CACNA1E: variants seen among roughly 807,000 people sequenced by gnomAD.
CACNA1E encodes voltage-dependent R-type calcium channel subunit alpha-1E.
Under a neutral mutation model 259.2 loss-of-function variants are expected in CACNA1E, and 40 were observed. The ratio of observed to expected loss-of-function variants is 0.15; its 90% CI spans 0.12 to 0.20. The LOEUF (loss-of-function observed/expected upper bound fraction) is 0.20. CACNA1E is among the 10% of genes least tolerant of loss of function. The probability of loss-of-function intolerance (pLI) is 1.00; values close to 1 mark genes in which losing one functional copy is unlikely to be tolerated. For missense variants in CACNA1E, 1,874 were observed against 3,040.1 expected, an observed-to-expected ratio of 0.62 and a Z score of 9.02; for synonymous variants, 1,104 against 1,138.5, an observed-to-expected ratio of 0.97 and a Z score of 0.61.
At chr1:181,783,040 C>G (rs988830677) in intron 39 of CACNA1E, among the ~76,000 whole-genome samples, 2 of 152,126 alleles carry the variant, frequency 1.3e-5, no homozygotes, top group African/African-American at 4.8e-5. Flanking sequence ...CTCCGCTCTC[C>G]CCATCCTCCT....
chr1:181,657,625 G>T (rs1219570638), intron 7 of CACNA1E, among the ~76,000 whole-genome samples: 1 of 152,144 alleles, frequency 6.6e-6, no homozygotes, highest in Non-Finnish European at 1.5e-5. Context: ...AGTGTAGGAC[G>T]AAAGGCGTAT....
chr1:181,485,920 C>T lies in CACNA1E; in HGVS notation c.266+1910C>T, dbSNP rs1006734916. On this transcript the variant is annotated intron_variant, in intron 1 of 47. Coordinates refer to ENST00000367573, the MANE Select transcript of CACNA1E (RefSeq NM_001205293.3). This position sits in a 1 kb window ranked among gnomAD's most constrained non-coding sequence, Gnocchi z 4.2. The stretch of plus-strand genomic sequence containing the variant: ...AGTGTGCCAGCAGCCATCGTTGGCA[C>T]CTCGGACAGCGCCGCTGAAACTCCC... Among the ~76,000 whole-genome samples, 7 of 152,234 alleles carry T rather than the reference C, an allele frequency of 4.6e-5. No individual in the cohort carries two copies. Among genetic ancestry groups the T allele is most frequent in the African/African-American group, 1.7e-4 (7 of 41,464 alleles).
intron 6 of CACNA1E, among the ~76,000 whole-genome samples, chr1:181,619,047 G>T (rs1655482868): frequency 6.6e-6 from 1 of 152,034 alleles, no homozygotes; most frequent in Non-Finnish European, 1.5e-5. Context: ...CAAAGCACTG[G>T]TCTAAATACT....
rs200873270 is a variant in CACNA1E, at chr1:181,693,143, A to C, written c.1056-17811A>C. The stretch of plus-strand genomic sequence containing the variant: ...CTATCTAAAGCAAAAAAAAAAAAAA[A>C]AAAAAAACAACAGATGCTAGCAAGG... On this transcript the variant is annotated intron_variant, in intron 7 of 47. Transcript: ENST00000367573. Among the ~76,000 whole-genome samples, 13 of 150,266 alleles carry C rather than the reference A, an allele frequency of 8.7e-5. No individual in the cohort carries two copies. In the East Asian group the frequency reaches 1.8e-3, roughly 20 times the overall value.
chr1:181,405,202 G>A (rs1203988947), intron 1 of CACNA1E, among the ~76,000 whole-genome samples: 2 of 152,220 alleles, frequency 1.3e-5, no homozygotes, highest in Non-Finnish European at 2.9e-5. Context: ...GGTAATCTTG[G>A]TCTGAGTGGG....
intron 5 of CACNA1E, among the ~76,000 whole-genome samples, chr1:181,579,459 T>G (rs1651302262): frequency 6.6e-6 from 1 of 152,212 alleles, no homozygotes. Flanking sequence ...ATAGATGGTC[T>G]TGGCTCCCCT....
intron 2 of CACNA1E, among the ~76,000 whole-genome samples, chr1:181,470,420 C>T (rs1662431281): frequency 1.3e-5 from 2 of 152,134 alleles, no homozygotes; most frequent in Non-Finnish European, 2.9e-5. Context: ...TCTATTCTCT[C>T]TATGTTGCCC....
chr1:181,548,626 A>C (rs1275885679), intron 3 of CACNA1E, among the ~76,000 whole-genome samples: 2 of 152,212 alleles, frequency 1.3e-5, no homozygotes, highest in Non-Finnish European at 2.9e-5. Context: ...ATAATGACAG[A>C]GTTAACAGTA....
In CACNA1E at chr1:181,732,817, C is replaced by T. The variant is rs370013304; in HGVS notation, c.2731C>T (p.Arg911Trp). ...AGAGGCTGTGGTGACCTTTGAGGAC[C>T]GGGCCAGGCACAGGCAGAGCCAACG... is the stretch of plus-strand genomic sequence containing the variant. ...GGEAVVTFEDRARHRQSQRRS... is the reference protein window; with the variant it reads ...GGEAVVTFEDWARHRQSQRRS... Residue 911 changes from arginine to tryptophan, a missense_variant, in exon 20 of 48, where the codon CGG becomes TGG. By Grantham distance (101) the Arg-to-Trp change is moderately radical (BLOSUM62 -3). Transcript: ENST00000367573. The surrounding 1 kb of genome is among the most constrained non-coding windows in gnomAD (Gnocchi z 5.5). 4.3e-5 allele frequency: 70 copies of T among 1,609,934 alleles called. 1 individual carries two copies. The East Asian group carries it at 8.9e-4, about 21-fold the overall frequency.
intron 7 of CACNA1E, among the ~76,000 whole-genome samples, chr1:181,661,730 T>A (rs1558239130): frequency 6.6e-6 from 1 of 152,220 alleles, no homozygotes; most frequent in Non-Finnish European, 1.5e-5. Flanking sequence ...TGACACATAT[T>A]GTCTCATTTA....
At chr1:181,577,118 T>C (rs1651055768) in intron 3 of CACNA1E, among the ~76,000 whole-genome samples, 1 of 152,214 alleles carries the variant, frequency 6.6e-6, no homozygotes, top group African/African-American at 2.4e-5. Context: ...AATAGAATTA[T>C]GGATTTGTAT....
intron 1 of CACNA1E, among the ~76,000 whole-genome samples, chr1:181,399,197 A>G (rs1656908182): frequency 6.7e-6 from 1 of 150,254 alleles, no homozygotes; most frequent in Non-Finnish European, 1.5e-5. Context: ...AGCTTTTCAC[A>G]GGGAAGAAAG....
intron 1 of CACNA1E, among the ~76,000 whole-genome samples, chr1:181,356,795 G>A (rs1653477254): frequency 6.6e-6 from 1 of 152,186 alleles, no homozygotes. Context: ...CCTGGGATGT[G>A]AGGTGCAGGG....
At chr1:181,735,861 T>G (rs536666852) in intron 21 of CACNA1E, among the ~76,000 whole-genome samples, 1 of 151,954 alleles carries the variant, frequency 6.6e-6, no homozygotes, top group South Asian at 2.1e-4. Flanking sequence ...ATCATGGGAG[T>G]AATAATACAT....
rs180826360 is a variant in CACNA1E, at chr1:181,411,972, A to T, written c.-14-1161A>T. Among the ~76,000 whole-genome samples the T allele has an allele frequency of 2.0e-5, 3 of 152,360 alleles. No homozygotes were observed. In the East Asian group the frequency reaches 5.8e-4, roughly 29 times the overall value. On this transcript the variant is annotated intron_variant, in intron 1 of 11. Transcript: ENST00000524607. ...TACGCCAATCATAGCACATTCTGTG[A>T]TGTGGTCACAATCGATGTTCTTCCT... is the stretch of plus-strand genomic sequence containing the variant.
chr1:181,740,327 C>T (rs1049082730), intron 25 of CACNA1E, among the ~76,000 whole-genome samples: 4 of 152,146 alleles, frequency 2.6e-5, no homozygotes, highest in Non-Finnish European at 5.9e-5. Context: ...CAAGGGTTTG[C>T]CCTTCCAAGT....
At chr1:181,475,046 C>T (rs941634635) in intron 2 of CACNA1E, among the ~76,000 whole-genome samples, 2 of 152,172 alleles carry the variant, frequency 1.3e-5, no homozygotes, top group Non-Finnish European at 2.9e-5. Context: ...CAGAGAGAGG[C>T]TTCTAGTCAG....
At chr1:181,451,768 G>A (rs1476576279) in intron 2 of CACNA1E, among the ~76,000 whole-genome samples, 1 of 152,226 alleles carries the variant, frequency 6.6e-6, no homozygotes, top group Non-Finnish European at 1.5e-5. Context: ...AAGCCTTTGA[G>A]TGCATGAAAG....
At chr1:181,399,242 G>A (rs1485248313) in intron 1 of CACNA1E, among the ~76,000 whole-genome samples, 2 of 149,200 alleles carry the variant, frequency 1.3e-5, no homozygotes, top group South Asian at 2.1e-4. Context: ...AGGAAAAGAG[G>A]TAGAAGGAAA....
Sources: gnomAD v4.1 joint callset for allele counts (sites outside exome capture counted in the v4.1 genomes callset) on GRCh38, gnomAD v4.1.1 for gene constraint, Gnocchi (gnomAD v3.1) non-coding constraint, MANE v1.5 for transcripts, NCBI Gene and HGNC (gene_info 2026-07-23, HGNC 2026-07-21) for gene names.